The following ROBO2 variants were observed in gnomAD, a reference collection of about 807,000 sequenced individuals.
ROBO2 encodes roundabout guidance receptor 2, also known as roundabout homolog 2.
ROBO2 carries 53 observed loss-of-function variants against 160.8 expected under a neutral mutation model. The observed-to-expected ratio is 0.33, with a 90% CI of 0.26 to 0.41. ROBO2 has a LOEUF of 0.41. ROBO2 is among the 10% of genes least tolerant of loss of function. The probability of loss-of-function intolerance (pLI) is 1.00; values close to 1 mark genes in which losing one functional copy is unlikely to be tolerated. For missense variants in ROBO2, 1,577 were observed against 1,722.4 expected (o/e 0.92, Z 1.49); for synonymous variants, 664 against 611.7 (o/e 1.09, Z -1.26).
At chr3:77,256,989 C>A (rs190630869) in intron 2 of ROBO2, among the ~76,000 whole-genome samples, 1 of 152,260 alleles carries the variant, frequency 6.6e-6, no homozygotes, top group East Asian at 1.9e-4. Flanking sequence ...TGGCAGTACA[C>A]CCCTCAGCCC....
intron 2 of ROBO2, among the ~76,000 whole-genome samples, chr3:77,436,384 C>T (rs1229454397): frequency 6.6e-6 from 1 of 151,696 alleles, no homozygotes; most frequent in Non-Finnish European, 1.5e-5. Flanking sequence ...TGTTCTAGAA[C>T]CAGAGGTGGG....
At chr3:76,572,239 T>A (rs2085000830) in intron 2 of ROBO2, among the ~76,000 whole-genome samples, 2 of 152,050 alleles carry the variant, frequency 1.3e-5, no homozygotes, top group African/African-American at 4.8e-5. Context: ...AAATCTAAGA[T>A]CCTGAGCAGC....
intron 2 of ROBO2, among the ~76,000 whole-genome samples, chr3:75,955,973 A>G (rs1439325597): frequency 6.6e-6 from 1 of 151,774 alleles, no homozygotes; most frequent in East Asian, 1.9e-4. Context: ...TGCTAGGTAT[A>G]TGGTTTCTTC....
At chr3:75,921,699 A>G (rs1457658684) in intron 1 of ROBO2, among the ~76,000 whole-genome samples, 4 of 152,160 alleles carry the variant, frequency 2.6e-5, no homozygotes, top group African/African-American at 9.6e-5. Context: ...ATGATGGAGA[A>G]AGATTTGTCA....
Position 76,003,308 on chromosome 3 carries a change from G to A in ROBO2, c.109+65706G>A, listed in dbSNP as rs527872081. On this transcript the variant is annotated intron_variant, in intron 2 of 26. Coordinates refer to the ROBO2 transcript ENST00000487694. ...CTCATATTCCATGCAAAAGTACATA[G>A]ACAGGCTCTTTCAATTTATACTGTC... Among the ~76,000 whole-genome samples, 3 of 152,214 alleles carry A rather than the reference G, an allele frequency of 2.0e-5. No individual in the cohort carries two copies. The South Asian group carries it at 6.2e-4, about 32-fold the overall frequency.
chr3:77,132,302 G>T (rs6784114), intron 2 of ROBO2, among the ~76,000 whole-genome samples: 2,053 of 152,154 alleles, frequency 0.013, 44 homozygotes, highest in African/African-American at 0.047. Flanking sequence ...ATGTGTTTTG[G>T]TGGTTGTTGA....
chr3:76,856,406 G>T (rs1022917116), intron 2 of ROBO2, among the ~76,000 whole-genome samples: 1 of 152,110 alleles, frequency 6.6e-6, no homozygotes, highest in African/African-American at 2.4e-5. Context: ...ATCTCACACA[G>T]TTACCCATTC....
intron 16 of ROBO2, among the ~76,000 whole-genome samples, chr3:77,580,392 CA>C (rs2093884836): frequency 1.3e-5 from 2 of 152,170 alleles, no homozygotes; most frequent in East Asian, 3.9e-4. Flanking sequence ...TCAATTGCCT[CA>C]TTAGCAATTT....
At chr3:76,269,512 G>A (rs776598163) in intron 2 of ROBO2, among the ~76,000 whole-genome samples, 1 of 151,330 alleles carries the variant, frequency 6.6e-6, no homozygotes, top group Non-Finnish European at 1.5e-5. Context: ...ATCACATCAA[G>A]GTTTACCTAC....
chr3:76,963,508 C>T (rs1362871329), intron 2 of ROBO2, among the ~76,000 whole-genome samples: 1 of 152,076 alleles, frequency 6.6e-6, no homozygotes, highest in Non-Finnish European at 1.5e-5. Context: ...GGAATACATG[C>T]TTCTTCTCTA....
At chr3:77,113,391 G>A (rs925104230) in intron 2 of ROBO2, among the ~76,000 whole-genome samples, 1 of 152,234 alleles carries the variant, frequency 6.6e-6, no homozygotes, top group Non-Finnish European at 1.5e-5. Context: ...GGGTCAACTT[G>A]TGAAATCCTT....
chr3:76,281,717 A>G (rs1454302436), intron 2 of ROBO2, among the ~76,000 whole-genome samples: 1 of 151,960 alleles, frequency 6.6e-6, no homozygotes, highest in African/African-American at 2.4e-5. Flanking sequence ...TCTCTGCAAA[A>G]TTTTCCTGAA....
At position 77,531,316 on chromosome 3, in the gene ROBO2, T is replaced by C. The variant is rs574397047; in HGVS notation, c.934+8414T>C. On this transcript the variant is annotated intron_variant, in intron 6 of 25. Coordinates refer to ENST00000461745, the Ensembl canonical transcript of ROBO2. ...ACAAGAATTTAGAAGTAATAAGAAG[T>C]ACACATGCTTTTTGGCAAAATTCAC... 2.0e-5 allele frequency among the ~76,000 whole-genome samples: 3 copies of C among 152,124 alleles called. No homozygotes were observed. The South Asian group carries it at 6.2e-4, about 32-fold the overall frequency.
At chr3:76,926,042 C>G (rs1349281901) in intron 2 of ROBO2, among the ~76,000 whole-genome samples, 1 of 152,172 alleles carries the variant, frequency 6.6e-6, no homozygotes, top group Admixed American at 6.5e-5. Context: ...ATTTCTGTCT[C>G]AGTCTAATAT....
intron 2 of ROBO2, among the ~76,000 whole-genome samples, chr3:77,458,087 A>G (rs1027539111): frequency 1.3e-5 from 2 of 152,168 alleles, no homozygotes; most frequent in Admixed American, 1.3e-4. Context: ...GCCTTAGATA[A>G]GAGGCGCCAT....
intron 2 of ROBO2, among the ~76,000 whole-genome samples, chr3:76,787,328 C>CCCCA (rs2063050276): frequency 7.0e-6 from 1 of 142,170 alleles, no homozygotes; most frequent in Non-Finnish European, 1.5e-5. Context: ...TGTAAACACA[C>CCCCA]CACACACACA....
At chr3:77,063,412 G>A (rs547466617) in intron 1 of ROBO2, among the ~76,000 whole-genome samples, 3 of 152,296 alleles carry the variant, frequency 2.0e-5, no homozygotes, top group East Asian at 1.9e-4. Context: ...GTGTGAAAAG[G>A]GGGTGTGTTT....
chr3:77,301,334 TA>T (rs1235027094), intron 2 of ROBO2, among the ~76,000 whole-genome samples: 1 of 152,114 alleles, frequency 6.6e-6, no homozygotes, highest in Non-Finnish European at 1.5e-5. Flanking sequence ...AGACTGGTGT[TA>T]AAACAGTTCC....
chr3:76,582,201 G>A (rs574429673), intron 2 of ROBO2, among the ~76,000 whole-genome samples: 40 of 152,240 alleles, frequency 2.6e-4, no homozygotes, highest in African/African-American at 9.6e-4. Context: ...ATCCAAAACT[G>A]CTCATCTCCT....
Sources: allele counts gnomAD v4.1 joint callset (sites outside exome capture counted in the v4.1 genomes callset), GRCh38; gene constraint gnomAD v4.1.1; transcripts MANE v1.5; gene names NCBI Gene and HGNC (gene_info 2026-07-23, HGNC 2026-07-21).